Variants in PRLR observed in about 807,000 individuals in gnomAD.
PRLR encodes prolactin receptor, also known as hPRL receptor.
A neutral mutation model predicts 40.2 loss-of-function variants in PRLR; 13 were observed. The ratio of observed to expected loss-of-function variants is 0.32; its 90% CI spans 0.21 to 0.51. The LOEUF is 0.51. Among genes scored for constraint, PRLR ranks in the 20% least tolerant of loss-of-function variants. PRLR has a pLI of 0.97. For missense variants in PRLR, 656 were observed against 747.3 expected (o/e 0.88, Z 1.42); for synonymous variants, 269 against 278.7 (o/e 0.97, Z 0.35).
At chr5:35,054,620 A>G (rs977503355), downstream of PRLR, among the ~76,000 whole-genome samples, 6 of 152,230 alleles carry the variant, frequency 3.9e-5, no homozygotes, top group African/African-American at 7.2e-5. Flanking sequence ...TGTGTATACA[A>G]CCACAGCAGT....
Position 35,064,249 on chromosome 5 carries a change from C to T in PRLR, c.*840G>A, listed in dbSNP as rs1173827385. ...TGTATGTACAGTAAGGCAGTAATTC[C>T]ATTAGCATCCTGCTGTGGTTTTCTT... On this transcript the variant is annotated 3_prime_UTR_variant, in exon 10 of 10. Transcript: ENST00000618457. 6.6e-6 allele frequency: 1 copy of T among 152,058 alleles called. No individual in the cohort carries two copies. The highest frequency in any genetic ancestry group is 1.9e-4 in the East Asian group (1 of 5,198). The allele number at this position is 152,058 out of a possible 1,614,324, so 9.4% of individuals were successfully genotyped here. A position where few individuals can be genotyped will look rare whatever the true frequency, so the allele number is the denominator to read the frequency against.
At chr5:35,167,433 A>G (rs758645862) in intron 1 of PRLR, among the ~76,000 whole-genome samples, 1 of 152,100 alleles carries the variant, frequency 6.6e-6, no homozygotes, top group Non-Finnish European at 1.5e-5. Flanking sequence ...TGAGAGAATC[A>G]CAGAAAGTGA....
chr5:35,163,865 T>C (rs1774745814), intron 1 of PRLR, among the ~76,000 whole-genome samples: 1 of 152,260 alleles, frequency 6.6e-6, no homozygotes, highest in Non-Finnish European at 1.5e-5. Context: ...GCTGACTATG[T>C]AGAAGCAGTG....
chr5:35,121,383 T>A (rs1773287078), intron 1 of PRLR, among the ~76,000 whole-genome samples: 2 of 152,186 alleles, frequency 1.3e-5, no homozygotes, highest in South Asian at 4.1e-4. Flanking sequence ...CTGTGTCATA[T>A]CCATCCTTGC....
At chr5:35,188,700 T>C (rs4703508) in intron 1 of PRLR, among the ~76,000 whole-genome samples, 9,697 of 152,228 alleles carry the variant, frequency 0.064, 311 homozygotes, top group Middle Eastern at 0.12. Context: ...CCAAAAAAGA[T>C]AGAAGATGTA....
intron 1 of PRLR, among the ~76,000 whole-genome samples, chr5:35,178,099 G>A (rs1220636633): frequency 6.6e-6 from 1 of 151,808 alleles, no homozygotes; most frequent in Non-Finnish European, 1.5e-5. Flanking sequence ...GTGCTTACTG[G>A]CCATTTCTAT....
chr5:35,133,664 G>T (rs549302063), intron 1 of PRLR, among the ~76,000 whole-genome samples: 63 of 152,272 alleles, frequency 4.1e-4, no homozygotes, highest in Admixed American at 2.3e-3. Context: ...AATAAGTTGT[G>T]TTTCAGGCTT....
At chr5:35,078,077 C>T (rs190708042) in intron 5 of PRLR, among the ~76,000 whole-genome samples, 104 of 152,272 alleles carry the variant, frequency 6.8e-4, no homozygotes, top group African/African-American at 2.3e-3. Flanking sequence ...AAATTTATAG[C>T]ACTAAATGCC....
In PRLR at chr5:35,156,147, A is replaced by AAC. The variant is rs200461727; in HGVS notation, c.-105-38026_-105-38025insGT. On this transcript the variant is annotated intron_variant, in intron 1 of 9. Coordinates refer to ENST00000618457, the MANE Select transcript of PRLR (RefSeq NM_000949.7). Reference sequence around the variant, plus strand: ...CAAGATAAAAAAAAAAAACAAAAAAAAAAACAAAACCAACTTTGAATCATC... The same window carrying AAC: ...CAAGATAAAAAAAAAAAACAAAAAAAACAAAACAAAACCAACTTTGAATCATC... Among the ~76,000 whole-genome samples, 625 of 151,638 alleles carry AAC rather than the reference A, an allele frequency of 4.1e-3. 9 individuals are homozygous for AAC. The highest frequency in any genetic ancestry group is 0.014 in the African/African-American group (575 of 41,148).
rs967796225 is a variant in PRLR, at chr5:35,194,052, G to C, written c.-106+36216C>G. ...TTCCTGGCTCAGGAGGTGTGTGTCA[G>C]GCAAGCTTGATGCTGCCCCGTGGCA... On this transcript the variant is annotated intron_variant, in intron 1 of 9. Transcript: ENST00000618457. Among the ~76,000 whole-genome samples, 4 of 152,290 alleles carry C rather than the reference G, an allele frequency of 2.6e-5. No homozygotes were observed. In the South Asian group the frequency reaches 8.3e-4, roughly 32 times the overall value.
rs369253407 is a variant in PRLR at position 35,102,822 on chromosome 5, C to T, written c.-43-13159G>A. ...CCTCCCAAAGTGCTGGGATTACAGGCGTGAGCTGCCACGCCCGGCTTTTTT... is the reference window on the plus strand; with the variant it reads ...CCTCCCAAAGTGCTGGGATTACAGGTGTGAGCTGCCACGCCCGGCTTTTTT... On this transcript the variant is annotated intron_variant, in intron 2 of 9. Coordinates refer to ENST00000618457, the MANE Select transcript of PRLR (RefSeq NM_000949.7). Among the ~76,000 whole-genome samples the T allele has an allele frequency of 3.0e-4, 45 of 152,218 alleles. No individual in the cohort carries two copies. The East Asian group carries it at 5.8e-3, about 20-fold the overall frequency.
chr5:35,086,439 G>T, intron 3 of PRLR, 99 bp from the exon 4 acceptor site: 1 of 1,459,526 alleles, frequency 6.9e-7, no homozygotes, highest in Non-Finnish European at 9.4e-7. Context: ...CAAAGCCAGC[G>T]ATGAAGTCTC....
At chr5:35,106,229 C>A (rs1772239034) in intron 2 of PRLR, among the ~76,000 whole-genome samples, 1 of 152,108 alleles carries the variant, frequency 6.6e-6, no homozygotes, top group African/African-American at 2.4e-5. Context: ...GAAGGAAGCA[C>A]TAAACATGGG....
At chr5:35,218,983 C>G (rs1207337769) in intron 1 of PRLR, among the ~76,000 whole-genome samples, 1 of 152,138 alleles carries the variant, frequency 6.6e-6, no homozygotes, top group Non-Finnish European at 1.5e-5. Context: ...CAAGACTCCT[C>G]TGGTATTGGC....
At chr5:35,165,970 T>G (rs962324284) in intron 1 of PRLR, among the ~76,000 whole-genome samples, 1 of 152,140 alleles carries the variant, frequency 6.6e-6, no homozygotes, top group Non-Finnish European at 1.5e-5. Context: ...AATATTACCA[T>G]TTGGTTGATA....
intron 1 of PRLR, among the ~76,000 whole-genome samples, chr5:35,147,694 T>C (rs1774219086): frequency 6.6e-6 from 1 of 152,084 alleles, no homozygotes; most frequent in African/African-American, 2.4e-5. Context: ...AACCAGAATA[T>C]AGAAGAGATT....
intron 1 of PRLR, among the ~76,000 whole-genome samples, chr5:35,189,798 C>G (rs1775551230): frequency 6.6e-6 from 1 of 152,100 alleles, no homozygotes; most frequent in African/African-American, 2.4e-5. Flanking sequence ...TATGAAGATT[C>G]CTCTCAGTGT....
intron 5 of PRLR, 66 bp downstream of exon 5, chr5:35,084,404 T>C: frequency 3.5e-6 from 5 of 1,422,134 alleles, no homozygotes; most frequent in Non-Finnish European, 2.8e-6. Context: ...AGACTCAAAC[T>C]GAGTGTGACT....
At chr5:35,073,169 A>T (rs1173539113) in intron 5 of PRLR, among the ~76,000 whole-genome samples, 1 of 152,212 alleles carries the variant, frequency 6.6e-6, no homozygotes, top group Non-Finnish European at 1.5e-5. Context: ...AGTTACACAC[A>T]GTTTTTTGTA....
Sources: allele counts gnomAD v4.1 joint callset (sites outside exome capture counted in the v4.1 genomes callset), GRCh38; gene constraint gnomAD v4.1.1; transcripts MANE v1.5; gene names NCBI Gene and HGNC (gene_info 2026-07-23, HGNC 2026-07-21).